The following SCART1 variants were observed in gnomAD, a reference collection of about 807,000 sequenced individuals.
SCART1 encodes scavenger receptor family member expressed on T cells 1, also known as scavenger receptor cysteine-rich domain-containing protein SCART1.
In SCART1, 62 loss-of-function variants were observed where a neutral mutation model predicts 36.2. The ratio of observed to expected loss-of-function variants is 1.71; its 90% CI spans 1.40 to 2.12. The LOEUF (loss-of-function observed/expected upper bound fraction) is 2.12. Among genes scored for constraint, SCART1 ranks in the 30% most tolerant of loss-of-function variants. SCART1 has a pLI of 0.00. For synonymous variants in SCART1, 487 were observed against 238.7 expected (o/e 2.04, Z -9.59); for missense variants, 1,041 against 540.5 (o/e 1.93, Z -9.18).
exon 2 of SCART1, chr10:133,456,272 A>G (rs1444464980): frequency 1.4e-6 from 1 of 702,880 alleles, no homozygotes; most frequent in Admixed American, 2.0e-5. Flanking sequence ...GTACAGACAC[A>G]GCACGTGCGA....
At chr10:133,460,263 C>T (rs1850681788) in intron 6 of SCART1, 93 bp downstream of exon 6, 1 of 402,198 alleles carries the variant, frequency 2.5e-6, no homozygotes, top group East Asian at 3.6e-5. Context: ...CTATCGGGAG[C>T]TGTTCTCTTC....
At position 133,460,180 on chromosome 10, in the gene SCART1, C is replaced by G; in HGVS notation, c.1969+10C>G. Reference sequence around the variant, plus strand: ...GGCGTCTTCTGCTCAGGTGAGCGGCCGTTGGGTATGGAATGATCATGCTGT... The same window carrying G: ...GGCGTCTTCTGCTCAGGTGAGCGGCGGTTGGGTATGGAATGATCATGCTGT... On this transcript the variant is annotated intron_variant, in intron 6 of 11. Transcript: ENST00000640237. 2.1e-6 allele frequency: 1 copy of G among 485,226 alleles called. No individual in the cohort carries two copies. 30.1% of individuals were successfully genotyped at this position (485,226 alleles called of 1,614,324 possible). A position where few individuals can be genotyped will look rare whatever the true frequency, so the allele number is the denominator to read the frequency against.
intron 10 of SCART1, among the ~76,000 whole-genome samples, chr10:133,466,659 C>T (rs1227505383): frequency 6.6e-6 from 1 of 152,182 alleles, no homozygotes; most frequent in South Asian, 2.1e-4. Context: ...TATTATCATC[C>T]CTCACAACTA....
intron 11 of SCART1, 67 bp from the exon 12 acceptor site, chr10:133,467,780 T>C: frequency 1.7e-6 from 1 of 595,652 alleles, no homozygotes; most frequent in South Asian, 2.0e-5. Flanking sequence ...TTACGGGCTT[T>C]GCCAAATGTG....
At chr10:133,462,052 C>A (rs1850708801) in intron 6 of SCART1, among the ~76,000 whole-genome samples, 1 of 152,248 alleles carries the variant, frequency 6.6e-6, no homozygotes, top group Non-Finnish European at 1.5e-5. Flanking sequence ...CTCAGCTATG[C>A]CTCGGTCACT....
intron 3 of SCART1, chr10:133,458,126 A>G: frequency 1.5e-6 from 1 of 689,516 alleles, no homozygotes; most frequent in South Asian, 1.5e-5. Context: ...ATACGTGAGC[A>G]CCTGCAGCAG....
exon 2 of SCART1, chr10:133,456,513 G>T (rs1361500523): frequency 4.4e-6 from 3 of 688,382 alleles, no homozygotes; most frequent in African/African-American, 3.5e-5. Context: ...TGGTGCCAGA[G>T]CCCGTGCCCC....
At position 133,458,022 on chromosome 10, in the gene SCART1, G is replaced by T. The variant is rs1589934035; in HGVS notation, c.683-338G>T. On this transcript the variant is annotated intron_variant, in intron 3 of 11. Transcript: ENST00000640237. ...CTGCCTGCTGCGGTACCCCAGAGAG[G>T]GTGGTGCTCAGTGGACCAAGGGGTG... The T allele has an allele frequency of 5.3e-6, 3 of 562,080 alleles. No individual in the cohort carries two copies. In the East Asian group the frequency reaches 9.6e-5, roughly 18 times the overall value. 34.8% of individuals were successfully genotyped at this position (562,080 alleles called of 1,614,324 possible).
chr10:133,458,182 C>G (rs1293064154), intron 3 of SCART1, 178 bp from the exon 4 acceptor site: 1 of 699,940 alleles, frequency 1.4e-6, no homozygotes, highest in African/African-American at 1.7e-5. Context: ...GACGTCTGCT[C>G]TGCTCTGGGT....
At chr10:133,469,121 T>A (rs1263547031) in exon 12 of SCART1, 1 of 152,238 alleles carries the variant, frequency 6.6e-6, no homozygotes, top group Non-Finnish European at 1.5e-5. Flanking sequence ...TGCATTTCTC[T>A]AATGACCAGT....
At chr10:133,461,317 G>A (rs1328098793) in intron 6 of SCART1, among the ~76,000 whole-genome samples, 1 of 152,168 alleles carries the variant, frequency 6.6e-6, no homozygotes, top group African/African-American at 2.4e-5. Flanking sequence ...TGGTCTCCCA[G>A]GGTATTTTCA....
intron 9 of SCART1, 66 bp downstream of exon 9, chr10:133,465,631 T>G: frequency 1.7e-6 from 1 of 595,300 alleles, no homozygotes; most frequent in South Asian, 2.0e-5. Flanking sequence ...GAGTCAGTCT[T>G]GAGTGTCACT....
rs1850646732 is a variant in SCART1 at position 133,458,392 on chromosome 10, C to T, written c.715C>T (p.His239Tyr). 4.3e-6 allele frequency: 3 copies of T among 702,370 alleles called. No individual in the cohort carries two copies. In the African/African-American group the frequency reaches 5.2e-5, roughly 12 times the overall value. 43.5% of individuals were successfully genotyped at this position (702,370 alleles called of 1,614,324 possible). Reference sequence around the variant, plus strand: ...CGAGGCCCGACTGGTGGGCGGCGAGCACCCCTGCGCCGGGCGCCTGGAGGT... The same window carrying T: ...CGAGGCCCGACTGGTGGGCGGCGAGTACCCCTGCGCCGGGCGCCTGGAGGT... Residue 239 changes from histidine to tyrosine, a missense_variant, in exon 4 of 12, where the codon CAC becomes TAC. His to Tyr is a moderately conservative substitution (Grantham distance 83). Transcript: ENST00000640237.
At chr10:133,463,818 G>A (rs1436414534) in intron 6 of SCART1, among the ~76,000 whole-genome samples, 4 of 152,010 alleles carry the variant, frequency 2.6e-5, no homozygotes, top group Admixed American at 2.0e-4. Context: ...TCATTTCTTC[G>A]TGTTGGGAAC....
chr10:133,454,314 A>G (rs1486533120), intron 1 of SCART1, among the ~76,000 whole-genome samples: 1 of 152,104 alleles, frequency 6.6e-6, no homozygotes, highest in African/African-American at 2.4e-5. Context: ...CAGGCCCTGG[A>G]CAAAATGAGG....
chr10:133,455,510 G>A (rs1850597309), intron 1 of SCART1, among the ~76,000 whole-genome samples: 1 of 152,002 alleles, frequency 6.6e-6, no homozygotes, highest in African/African-American at 2.4e-5. Context: ...AGGGGCCCTG[G>A]AGGCTGCTCT....
intron 11 of SCART1, 105 bp from the exon 12 acceptor site, chr10:133,467,742 C>T (rs74162024): frequency 0.048 from 26,274 of 548,580 alleles, 927 homozygotes; most frequent in South Asian, 0.14. Flanking sequence ...CAGGTGCTTT[C>T]TGGTTGACAT....
At chr10:133,469,318 C>T (rs1850793476), downstream of SCART1, 1 of 152,176 alleles carries the variant, frequency 6.6e-6, no homozygotes, top group Non-Finnish European at 1.5e-5. Flanking sequence ...AATTTTCTCC[C>T]ATCCCGTAGG....
Position 133,461,070 on chromosome 10 carries a change from TTTA to T in SCART1, c.1969+921_1969+923del, listed in dbSNP as rs138591920. Among the ~76,000 whole-genome samples the T allele has an allele frequency of 7.9e-3, 1,198 of 151,622 alleles. 8 individuals are homozygous for T. The highest frequency in any genetic ancestry group is 0.048 in the Middle Eastern group (14 of 290). Reference sequence around the variant, plus strand: ...ACTATTTTTGAGATGGTGGATGAGCTTTATTATTATTATTATTATTATTCACAC... The same window carrying T: ...ACTATTTTTGAGATGGTGGATGAGCTTTATTATTATTATTATTATTCACAC... On this transcript the variant is annotated intron_variant, in intron 6 of 11. Coordinates refer to ENST00000640237, the Ensembl canonical transcript of SCART1.
Sources: allele counts gnomAD v4.1 joint callset (sites outside exome capture counted in the v4.1 genomes callset), GRCh38; gene constraint gnomAD v4.1.1; transcripts MANE v1.5; gene names NCBI Gene and HGNC (gene_info 2026-07-23, HGNC 2026-07-21).